CAMKMT: variants seen among roughly 807,000 people sequenced by gnomAD.
CAMKMT encodes the protein calmodulin-lysine N-methyltransferase, also known as CaM KMT.
Under a neutral mutation model 48.0 loss-of-function variants are expected in CAMKMT, and 53 were observed. That is an observed-to-expected ratio of 1.10 (90% CI 0.89 to 1.39). The LOEUF (loss-of-function observed/expected upper bound fraction) is 1.39. CAMKMT is among the 40% of genes most tolerant of loss of function. CAMKMT has a pLI of 0.00. For synonymous variants in CAMKMT, 165 were observed against 152.3 expected (o/e 1.08, Z -0.61); for missense variants, 428 against 402.7 (o/e 1.06, Z -0.54).
chr2:44,425,978 G>A (rs1040732205), intron 3 of CAMKMT, among the ~76,000 whole-genome samples: 19 of 152,070 alleles, frequency 1.2e-4, no homozygotes, highest in African/African-American at 3.9e-4. Flanking sequence ...TGATCCACCC[G>A]CCTTGGCCTC....
rs547913332 is a variant in CAMKMT, at chr2:44,519,026, A to T, written c.376+128721A>T. Among the ~76,000 whole-genome samples, 9 of 152,340 alleles carry T rather than the reference A, an allele frequency of 5.9e-5. No homozygotes were observed. In the East Asian group the frequency reaches 1.7e-3, roughly 29 times the overall value. ...AAAAATAAACAGGTACCACTACTTT[A>T]CTAACCTGCTTTTAGACCAAATGTA... On this transcript the variant is annotated intron_variant, in intron 3 of 10. Coordinates refer to ENST00000378494, the MANE Select transcript of CAMKMT (RefSeq NM_024766.5).
At chr2:44,529,243 A>G (rs1421408290) in intron 3 of CAMKMT, among the ~76,000 whole-genome samples, 1 of 152,140 alleles carries the variant, frequency 6.6e-6, no homozygotes. Flanking sequence ...AACCTATTTC[A>G]TGTGTTTCAA....
chr2:44,389,626 A>AAAT (rs1465795954), intron 2 of CAMKMT, among the ~76,000 whole-genome samples: 1 of 152,162 alleles, frequency 6.6e-6, no homozygotes, highest in East Asian at 1.9e-4. Context: ...TGTATATAAC[A>AAAT]AATAGTATTT....
intron 7 of CAMKMT, among the ~76,000 whole-genome samples, chr2:44,724,536 C>T (rs1455691209): frequency 1.3e-5 from 2 of 152,198 alleles, no homozygotes; most frequent in African/African-American, 4.8e-5. Context: ...AAGCACAGAG[C>T]ATGCTTCGAG....
Position 44,483,347 on chromosome 2 carries a change from C to CGTT in CAMKMT, c.376+93042_376+93043insGTT, listed in dbSNP as rs569922250. The stretch of plus-strand genomic sequence containing the variant: ...ATTCAACCACAGTTATTAAACTTTA[C>CGTT]TATTTTTGAGGTATAGGGATCCAAC... On this transcript the variant is annotated intron_variant, in intron 3 of 10. Coordinates refer to ENST00000378494, the MANE Select transcript of CAMKMT (RefSeq NM_024766.5). 3.7e-3 allele frequency among the ~76,000 whole-genome samples: 563 copies of CGTT among 152,222 alleles called. 2 individuals are homozygous for CGTT. The highest frequency in any genetic ancestry group is 0.013 in the African/African-American group (540 of 41,558).
chr2:44,399,509 T>C (rs1682161931), intron 3 of CAMKMT, among the ~76,000 whole-genome samples: 1 of 152,082 alleles, frequency 6.6e-6, no homozygotes, highest in South Asian at 2.1e-4. Flanking sequence ...TATTGCCCTC[T>C]TTGATCTTTC....
At chr2:44,554,051 G>T (rs1667869876) in intron 3 of CAMKMT, among the ~76,000 whole-genome samples, 1 of 152,164 alleles carries the variant, frequency 6.6e-6, no homozygotes. Flanking sequence ...TCTCTTTAAA[G>T]AACACAGTTT....
intron 3 of CAMKMT, among the ~76,000 whole-genome samples, chr2:44,598,990 C>G (rs1285641393): frequency 6.6e-6 from 1 of 151,920 alleles, no homozygotes; most frequent in Non-Finnish European, 1.5e-5. Context: ...GTGCAGGGCT[C>G]ACCTATTTCG....
At chr2:44,702,942 GA>G (rs1376503680) in intron 3 of CAMKMT, among the ~76,000 whole-genome samples, 2 of 152,030 alleles carry the variant, frequency 1.3e-5, no homozygotes, top group Admixed American at 6.6e-5. Context: ...TCATCTAGGG[GA>G]AAAAAATTAA....
chr2:44,375,932 T>C (rs971444120), intron 2 of CAMKMT, among the ~76,000 whole-genome samples: 5 of 152,146 alleles, frequency 3.3e-5, no homozygotes, highest in African/African-American at 1.2e-4. Flanking sequence ...ATTACAGGTG[T>C]GTGCCATCAC....
At chr2:44,392,809 G>C (rs1212367485) in intron 3 of CAMKMT, among the ~76,000 whole-genome samples, 1 of 151,866 alleles carries the variant, frequency 6.6e-6, no homozygotes, top group Non-Finnish European at 1.5e-5. Flanking sequence ...TTTTGATAGA[G>C]AGTGAAAGTT....
intron 3 of CAMKMT, among the ~76,000 whole-genome samples, chr2:44,395,767 C>T (rs1681777172): frequency 6.6e-6 from 1 of 151,956 alleles, no homozygotes; most frequent in South Asian, 2.1e-4. Flanking sequence ...TATCATCTGC[C>T]TCATTCTTGA....
intron 3 of CAMKMT, among the ~76,000 whole-genome samples, chr2:44,414,168 T>C: frequency 6.6e-6 from 1 of 152,218 alleles, no homozygotes; most frequent in East Asian, 1.9e-4. Flanking sequence ...GGGAATATAA[T>C]GGTTATTTTC....
At chr2:44,714,364 T>G (rs936820551) in intron 6 of CAMKMT, among the ~76,000 whole-genome samples, 1 of 152,194 alleles carries the variant, frequency 6.6e-6, no homozygotes, top group African/African-American at 2.4e-5. Context: ...CGCTGGGTGA[T>G]GTAATGAACC....
intron 3 of CAMKMT, among the ~76,000 whole-genome samples, chr2:44,533,210 C>T (rs1463690460): frequency 6.6e-6 from 1 of 151,820 alleles, no homozygotes; most frequent in African/African-American, 2.4e-5. Context: ...GGGGCAAATC[C>T]AGTAATCTCA....
At chr2:44,747,926 G>A (rs1261077637) in intron 8 of CAMKMT, among the ~76,000 whole-genome samples, 1 of 152,116 alleles carries the variant, frequency 6.6e-6, no homozygotes, top group Non-Finnish European at 1.5e-5. Context: ...AAACTAGACT[G>A]CCAATGTATT....
chr2:44,485,524 G>A (rs914309358), intron 3 of CAMKMT, among the ~76,000 whole-genome samples: 3 of 152,114 alleles, frequency 2.0e-5, no homozygotes, highest in African/African-American at 7.2e-5. Context: ...TTTGTTGTGC[G>A]AACATCATAG....
At chr2:44,577,656 AGAGAGGGAGAGG>A (rs1454610487) in intron 3 of CAMKMT, among the ~76,000 whole-genome samples, 1 of 141,952 alleles carries the variant, frequency 7.0e-6, no homozygotes, top group African/African-American at 2.6e-5. Flanking sequence ...GGAGGGGGAG[AGAGAGGGAGAGG>A]GAGAGGGAGA....
At chr2:44,443,470 G>A (rs1431906908) in intron 3 of CAMKMT, among the ~76,000 whole-genome samples, 2 of 152,108 alleles carry the variant, frequency 1.3e-5, no homozygotes, top group Non-Finnish European at 2.9e-5. Flanking sequence ...GAATGTTGCT[G>A]AAGAACTACT....
Sources: allele counts gnomAD v4.1 joint callset (sites outside exome capture counted in the v4.1 genomes callset), GRCh38; gene constraint gnomAD v4.1.1; transcripts MANE v1.5; gene names NCBI Gene and HGNC (gene_info 2026-07-23, HGNC 2026-07-21).